SRGAP1: variants seen among roughly 807,000 people sequenced by gnomAD.
SRGAP1 encodes the protein SLIT-ROBO Rho GTPase activating protein 1, also known as SLIT-ROBO Rho GTPase-activating protein 1.
In SRGAP1, 43 loss-of-function variants were observed where a neutral mutation model predicts 121.9. That is an observed-to-expected ratio of 0.35 (90% CI 0.28 to 0.46). The LOEUF is 0.46. Ranked by LOEUF, SRGAP1 falls within the 20% of genes least tolerant of loss-of-function variation. The pLI is 1.00. For synonymous variants in SRGAP1, 447 were observed against 485.4 expected, an observed-to-expected ratio of 0.92 and a Z score of 1.04; for missense variants, 1,102 against 1,350.9, an observed-to-expected ratio of 0.82 and a Z score of 2.89.
chr12:63,882,946 G>T (rs903237957), intron 1 of SRGAP1, among the ~76,000 whole-genome samples: 1 of 152,212 alleles, frequency 6.6e-6, no homozygotes, highest in Non-Finnish European at 1.5e-5. Flanking sequence ...CCATTCAGGG[G>T]ATCCCAAGAT....
At chr12:64,081,282 C>A (rs2136565700) in intron 10 of SRGAP1, 1 of 152,014 alleles carries the variant, frequency 6.6e-6, no homozygotes, top group Non-Finnish European at 1.5e-5. Flanking sequence ...GAGATTGCGC[C>A]TCTTAGACCT....
At chr12:63,846,467 A>G in intron 1 of SRGAP1, among the ~76,000 whole-genome samples, 1 of 152,178 alleles carries the variant, frequency 6.6e-6, no homozygotes, top group East Asian at 1.9e-4. Flanking sequence ...ATGCACTTCC[A>G]AATGTTGATT....
At position 64,128,134 on chromosome 12, in the gene SRGAP1, C is replaced by T. The variant is rs140662669; in HGVS notation, c.2814C>T (p.Ser938=). 4.6e-5 allele frequency: 75 copies of T among 1,614,050 alleles called. No homozygotes were observed. In the African/African-American group the frequency reaches 9.5e-4, roughly 20 times the overall value. Residue 938 remains serine, a synonymous_variant, in exon 21 of 22, where the codon TCC becomes TCT. Coordinates refer to ENST00000355086, the MANE Select transcript of SRGAP1 (RefSeq NM_020762.4). The part of the protein sequence containing the change: ...KKIDSPPIRR[S]TSSGQYTGFN... ...TCGACAGCCCTCCCATTAGAAGGTC[C>T]ACGTCATCAGGGCAATACACGGGCT... is the stretch of plus-strand genomic sequence containing the variant.
chr12:64,075,904 A>T (rs901931975), intron 8 of SRGAP1, among the ~76,000 whole-genome samples: 2 of 150,080 alleles, frequency 1.3e-5, no homozygotes, highest in Non-Finnish European at 2.9e-5. Context: ...TTTCTTTCCC[A>T]AACATTATTT....
At chr12:64,108,863 T>C in intron 15 of SRGAP1, 69 bp from the exon 16 acceptor site, 1 of 1,058,114 alleles carries the variant, frequency 9.5e-7, no homozygotes, top group Non-Finnish European at 1.4e-6. Context: ...CGGTAATACA[T>C]GTACTGCAGT....
chr12:64,161,703 A>G lies in SRGAP1; in HGVS notation c.*19031A>G, dbSNP rs1264297623. ...ACAGGCTTTCCTAAAATTCCTGGTGATCCTTGGCTATCTGCTCGAATTTAA... is the reference window on the plus strand; with the variant it reads ...ACAGGCTTTCCTAAAATTCCTGGTGGTCCTTGGCTATCTGCTCGAATTTAA... On this transcript the variant is annotated 3_prime_UTR_variant, in exon 22 of 22. Transcript: ENST00000355086. The G allele has an allele frequency of 6.6e-6, 1 of 152,112 alleles. No homozygotes were observed. The highest frequency in any genetic ancestry group is 1.5e-5 in the Non-Finnish European group (1 of 68,014). 9.4% of individuals were successfully genotyped at this position (152,112 alleles called of 1,614,324 possible).
intron 3 of SRGAP1, among the ~76,000 whole-genome samples, chr12:63,995,297 C>G (rs995984954): frequency 1.3e-5 from 2 of 152,162 alleles, no homozygotes; most frequent in South Asian, 2.1e-4. Context: ...ATGTGCCAAG[C>G]ACTGTACTCT....
rs1199640313 is a variant in SRGAP1, at chr12:64,158,232, G to T, written c.*15560G>T. 6.6e-6 allele frequency: 1 copy of T among 152,150 alleles called. No homozygotes were observed. The highest frequency in any genetic ancestry group is 1.5e-5 in the Non-Finnish European group (1 of 68,024). The allele number at this position is 152,150 out of a possible 1,614,324, so 9.4% of individuals were successfully genotyped here. A position where few individuals can be genotyped will look rare whatever the true frequency, so the allele number is the denominator to read the frequency against. On this transcript the variant is annotated 3_prime_UTR_variant, in exon 22 of 22. Coordinates refer to ENST00000355086, the MANE Select transcript of SRGAP1 (RefSeq NM_020762.4). Reference sequence around the variant, plus strand: ...TAATCAATGTTACTAAATTATCTAGGATTAGATGTTTCTAAATTAAAACTA... The same window carrying T: ...TAATCAATGTTACTAAATTATCTAGTATTAGATGTTTCTAAATTAAAACTA...
intron 17 of SRGAP1, among the ~76,000 whole-genome samples, chr12:64,113,372 C>T (rs1215508131): frequency 1.3e-5 from 2 of 152,190 alleles, no homozygotes; most frequent in East Asian, 3.9e-4. Context: ...CGCGCCACTG[C>T]ACTCCAGCCT....
rs569089352 is a variant in SRGAP1, at chr12:64,152,319, T to C, written c.*9647T>C. 1 of 152,318 alleles carries C rather than the reference T, an allele frequency of 6.6e-6. No individual in the cohort carries two copies. The highest frequency in any genetic ancestry group is 2.4e-5 in the African/African-American group (1 of 41,560). 9.4% of individuals were successfully genotyped at this position (152,318 alleles called of 1,614,324 possible). A position where few individuals can be genotyped will look rare whatever the true frequency, so the allele number is the denominator to read the frequency against. The stretch of plus-strand genomic sequence containing the variant: ...TAGATAGTGACAGAGCAGGATTTGA[T>C]TCCACGCCATCTGGTGCTGGAGGCT... On this transcript the variant is annotated 3_prime_UTR_variant, in exon 22 of 22. Coordinates refer to ENST00000355086, the MANE Select transcript of SRGAP1 (RefSeq NM_020762.4).
intron 1 of SRGAP1, among the ~76,000 whole-genome samples, chr12:63,905,107 T>C (rs1431137141): frequency 1.3e-5 from 2 of 152,176 alleles, no homozygotes; most frequent in African/African-American, 4.8e-5. Flanking sequence ...ATTTAGGAAA[T>C]AGTTATAGTT....
At position 64,150,946 on chromosome 12, in the gene SRGAP1, A is replaced by C. The variant is rs893516007; in HGVS notation, c.*8274A>C. 8 of 147,904 alleles carry C rather than the reference A, an allele frequency of 5.4e-5. No homozygotes were observed. Among genetic ancestry groups the C allele is most frequent in the Middle Eastern group, 3.5e-3 (1 of 286 alleles). 9.2% of individuals were successfully genotyped at this position (147,904 alleles called of 1,614,324 possible). On this transcript the variant is annotated 3_prime_UTR_variant, in exon 22 of 22. Coordinates refer to ENST00000355086, the MANE Select transcript of SRGAP1 (RefSeq NM_020762.4). ...TGAGAAGCTATCTCAAAAAAAAAAA[A>C]AAAAAAAAAAAAAACATGGTCAAGA...
Position 64,144,005 on chromosome 12 carries a change from A to G in SRGAP1, c.*1333A>G, listed in dbSNP as rs2037009792. 6.6e-6 allele frequency: 1 copy of G among 152,124 alleles called. No homozygotes were observed. Among genetic ancestry groups the G allele is most frequent in the Non-Finnish European group, 1.5e-5 (1 of 68,058 alleles). 9.4% of individuals were successfully genotyped at this position (152,124 alleles called of 1,614,324 possible). A position where few individuals can be genotyped will look rare whatever the true frequency, so the allele number is the denominator to read the frequency against. Reference sequence around the variant, plus strand: ...TTCCCCTTTTTGGTTTTGGTTTTGTATGTGGGCTCTATGTAACTCCCATAG... The same window carrying G: ...TTCCCCTTTTTGGTTTTGGTTTTGTGTGTGGGCTCTATGTAACTCCCATAG... On this transcript the variant is annotated 3_prime_UTR_variant, in exon 22 of 22. Coordinates refer to ENST00000355086, the MANE Select transcript of SRGAP1 (RefSeq NM_020762.4).
chr12:63,972,877 G>A (rs2032996079), intron 1 of SRGAP1, among the ~76,000 whole-genome samples: 1 of 152,070 alleles, frequency 6.6e-6, no homozygotes, highest in Non-Finnish European at 1.5e-5. Context: ...GGCCAGGCAT[G>A]GTGGCTCATG....
intron 21 of SRGAP1, among the ~76,000 whole-genome samples, chr12:64,129,972 C>CGTGGTTGTT (rs2036758087): frequency 7.1e-6 from 1 of 140,566 alleles, no homozygotes; most frequent in South Asian, 2.1e-4. Flanking sequence ...CTCAGCAGGT[C>CGTGGTTGTT]GTGGTTGTTG....
chr12:63,947,222 G>A (rs774545108), intron 1 of SRGAP1, among the ~76,000 whole-genome samples: 41 of 152,258 alleles, frequency 2.7e-4, no homozygotes, highest in Admixed American at 5.9e-4. Context: ...ACTGTTTTCC[G>A]AAGTGATGGT....
At chr12:64,133,877 A>G (rs943986931) in intron 21 of SRGAP1, among the ~76,000 whole-genome samples, 1 of 151,866 alleles carries the variant, frequency 6.6e-6, no homozygotes. Flanking sequence ...TAATTAGCCA[A>G]TGCCAGAGTT....
intron 6 of SRGAP1, among the ~76,000 whole-genome samples, chr12:64,061,800 G>C (rs1565662661): frequency 1.3e-5 from 2 of 152,052 alleles, no homozygotes; most frequent in Non-Finnish European, 2.9e-5. Flanking sequence ...GTGGTCTTTT[G>C]TGACTTGCTT....
At chr12:64,092,502 A>G (rs1033852279) in intron 12 of SRGAP1, among the ~76,000 whole-genome samples, 4 of 140,910 alleles carry the variant, frequency 2.8e-5, no homozygotes, top group Non-Finnish European at 4.5e-5. Flanking sequence ...ACATACATAC[A>G]TATGTACATA....
Sources: gnomAD v4.1 joint callset for allele counts (sites outside exome capture counted in the v4.1 genomes callset) on GRCh38, gnomAD v4.1.1 for gene constraint, MANE v1.5 for transcripts, NCBI Gene and HGNC (gene_info 2026-07-23, HGNC 2026-07-21) for gene names.